PROK2: variants seen among roughly 807,000 people sequenced by gnomAD.
PROK2 encodes the protein prokineticin 2.
In PROK2, 8 loss-of-function variants were observed where a neutral mutation model predicts 14.2. That is an observed-to-expected ratio of 0.56 (90% confidence interval 0.33 to 1.02). The LOEUF is 1.02. Ranked by LOEUF, PROK2 falls within the 50% of genes least tolerant of loss-of-function variation. The pLI is 0.03. For missense variants in PROK2, 154 were observed against 160.4 expected (o/e 0.96, Z 0.22); for synonymous variants, 59 against 60.7 (o/e 0.97, Z 0.13).
At chr3:71,776,146 T>G (rs1316361393) in intron 2 of PROK2, among the ~76,000 whole-genome samples, 1 of 152,160 alleles carries the variant, frequency 6.6e-6, no homozygotes, top group Non-Finnish European at 1.5e-5. Flanking sequence ...TATTATTTCT[T>G]TAAATCAAGG....
intron 1 of PROK2, among the ~76,000 whole-genome samples, chr3:71,783,339 T>C (rs2050183453): frequency 6.6e-6 from 1 of 152,236 alleles, no homozygotes; most frequent in South Asian, 2.1e-4. Context: ...ATTGCCCTGT[T>C]GCTTTAGAGA....
intron 2 of PROK2, among the ~76,000 whole-genome samples, chr3:71,780,016 C>T (rs943857804): frequency 6.6e-6 from 1 of 152,216 alleles, no homozygotes; most frequent in Non-Finnish European, 1.5e-5. Flanking sequence ...TTGAAAATAA[C>T]GAGAGAAATG....
chr3:71,773,562 A>G (rs1282291126), intron 3 of PROK2, among the ~76,000 whole-genome samples: 1 of 152,172 alleles, frequency 6.6e-6, no homozygotes, highest in African/African-American at 2.4e-5. Flanking sequence ...ACCTGGTATC[A>G]TGGGCATGAC....
At chr3:71,778,184 G>A (rs540886649) in intron 2 of PROK2, among the ~76,000 whole-genome samples, 61 of 151,680 alleles carry the variant, frequency 4.0e-4, no homozygotes, top group African/African-American at 1.4e-3. Context: ...GTGACAAAGC[G>A]AGACTCTGTC....
At chr3:71,781,810 C>T (rs538809635) in intron 1 of PROK2, among the ~76,000 whole-genome samples, 1 of 152,172 alleles carries the variant, frequency 6.6e-6, no homozygotes, top group Non-Finnish European at 1.5e-5. Context: ...GGGCTAAATT[C>T]TAGCCCCTGG....
Position 71,785,097 on chromosome 3 carries a change from G to C in PROK2, c.-45C>G. The C allele has an allele frequency of 8.5e-7, 1 of 1,177,120 alleles. No homozygotes were observed. Among genetic ancestry groups the C allele is most frequent in the Admixed American group, 4.3e-5 (1 of 23,104 alleles). The allele number at this position is 1,177,120 out of a possible 1,614,324, so 72.9% of individuals were successfully genotyped here. A position where few individuals can be genotyped will look rare whatever the true frequency, so the allele number is the denominator to read the frequency against. ...GGCCGCCGGAGGCAGTTGGGGGCGC[G>C]GGGCCCGGGTGCGCTGGGTGGAGCG... On this transcript the variant is annotated 5_prime_UTR_variant, in exon 1 of 4. Coordinates refer to ENST00000295619, the MANE Select transcript of PROK2 (RefSeq NM_001126128.2).
chr3:71,781,100 T>C (rs2050156673), intron 2 of PROK2, among the ~76,000 whole-genome samples: 1 of 152,236 alleles, frequency 6.6e-6, no homozygotes, highest in Admixed American at 6.5e-5. Flanking sequence ...AGATCTAATA[T>C]TAAAAGCAGT....
chr3:71,775,877 G>T (rs775892888), intron 2 of PROK2, among the ~76,000 whole-genome samples: 1 of 152,108 alleles, frequency 6.6e-6, no homozygotes, highest in Non-Finnish European at 1.5e-5. Context: ...CAAATGCCCT[G>T]CAATGCCCCA....
intron 3 of PROK2, 43 bp from the exon 4 acceptor site, chr3:71,772,871 AAAAC>A: frequency 6.5e-7 from 1 of 1,531,772 alleles, no homozygotes; most frequent in Non-Finnish European, 9.0e-7. Context: ...AAAGGTTTCA[AAAAC>A]AAACAAACCA....
rs532943031 is a variant in PROK2, at chr3:71,781,353, T to C, written c.222+114A>G. ...AGTTTTACACTGTTATCCTTGCTAA[T>C]GTCCAATATTCATTTTGTTTGTCGA... On this transcript the variant is annotated intron_variant, in intron 2 of 3. Transcript: ENST00000295619. 28 of 1,338,732 alleles carry C rather than the reference T, an allele frequency of 2.1e-5. No individual in the cohort carries two copies. In the African/African-American group the frequency reaches 3.6e-4, roughly 17 times the overall value. The allele number at this position is 1,338,732 out of a possible 1,614,324, so 82.9% of individuals were successfully genotyped here.
Position 71,785,106 on chromosome 3 carries a change from G to A in PROK2, c.-54C>T. The A allele has an allele frequency of 1.8e-6, 2 of 1,134,176 alleles. No homozygotes were observed. The highest frequency in any genetic ancestry group is 2.2e-6 in the Non-Finnish European group (2 of 900,904). The allele number at this position is 1,134,176 out of a possible 1,614,324, so 70.3% of individuals were successfully genotyped here. A position where few individuals can be genotyped will look rare whatever the true frequency, so the allele number is the denominator to read the frequency against. On this transcript the variant is annotated 5_prime_UTR_variant, in exon 1 of 4. Coordinates refer to ENST00000295619, the MANE Select transcript of PROK2 (RefSeq NM_001126128.2). ...AGGCAGTTGGGGGCGCGGGGCCCGG[G>A]TGCGCTGGGTGGAGCGCGGAGCGGC...
intron 1 of PROK2, among the ~76,000 whole-genome samples, chr3:71,782,610 A>G: frequency 6.6e-6 from 1 of 152,234 alleles, no homozygotes; most frequent in East Asian, 1.9e-4. Context: ...TAGTGATAAG[A>G]TAAAAACATC....
At chr3:71,776,612 G>A (rs6807450) in intron 2 of PROK2, among the ~76,000 whole-genome samples, 57,405 of 151,752 alleles carry the variant, frequency 0.38, 11,858 homozygotes, top group East Asian at 0.69. Flanking sequence ...TCCTGGCCTC[G>A]AGTGATCTGC....
At chr3:71,776,716 C>A (rs1193088520) in intron 2 of PROK2, among the ~76,000 whole-genome samples, 1 of 152,144 alleles carries the variant, frequency 6.6e-6, no homozygotes, top group Admixed American at 6.5e-5. Flanking sequence ...TCGGTAGATG[C>A]TTGTCCGTTT....
In PROK2 at chr3:71,776,363, C is replaced by CTTT. The variant is rs2050118816; in HGVS notation, c.223-1857_223-1856insAAA. Among the ~76,000 whole-genome samples the CTTT allele has an allele frequency of 5.8e-4, 53 of 92,044 alleles. 10 individuals carry two copies. The highest frequency in any genetic ancestry group is 6.2e-3 in the Middle Eastern group (1 of 162). 60.4% of individuals were successfully genotyped at this position (92,044 alleles called of 152,430 possible). On this transcript the variant is annotated intron_variant, in intron 2 of 3. Coordinates refer to ENST00000295619, the MANE Select transcript of PROK2 (RefSeq NM_001126128.2). ...CTTTTCTTTTTTTCTTTTCGCTTTTCATTTTTTTTTTTTTTTTTTTTTTTT... is the reference window on the plus strand; with the variant it reads ...CTTTTCTTTTTTTCTTTTCGCTTTTCTTTATTTTTTTTTTTTTTTTTTTTTTTT...
intron 2 of PROK2, among the ~76,000 whole-genome samples, chr3:71,777,231 T>C (rs1039870144): frequency 1.3e-5 from 2 of 152,184 alleles, no homozygotes; most frequent in Non-Finnish European, 2.9e-5. Context: ...ACTGAACCTA[T>C]AAACACTGCT....
At chr3:71,776,358 CTTTTCATTTTTTTTTT>C (rs1398665039) in intron 2 of PROK2, among the ~76,000 whole-genome samples, 2 of 127,106 alleles carry the variant, frequency 1.6e-5, no homozygotes, top group Non-Finnish European at 3.2e-5. Flanking sequence ...TTTCTTTTCG[CTTTTCATTTTTTTTTT>C]TTTTTTTTTT....
rs1481133153 is a variant in PROK2, at chr3:71,774,373, G to A, written c.285+72C>T. 3 of 1,550,480 alleles carry A rather than the reference G, an allele frequency of 1.9e-6. No individual in the cohort carries two copies. The African/African-American group carries it at 4.1e-5, about 21-fold the overall frequency. ...CTGATAGGACAGACCCAACTCTATG[G>A]TAGTCCAACAATGTAAAGGCTAATT... is the stretch of plus-strand genomic sequence containing the variant. On this transcript the variant is annotated intron_variant, in intron 3 of 3. Coordinates refer to ENST00000295619, the MANE Select transcript of PROK2 (RefSeq NM_001126128.2).
At chr3:71,781,368 T>C in intron 2 of PROK2, 99 bp downstream of exon 2, 1 of 1,461,882 alleles carries the variant, frequency 6.8e-7, no homozygotes, top group South Asian at 1.1e-5. Flanking sequence ...AATATTCATT[T>C]TGTTTGTCGA....
Sources: allele counts gnomAD v4.1 joint callset (sites outside exome capture counted in the v4.1 genomes callset), GRCh38; gene constraint gnomAD v4.1.1; transcripts MANE v1.5; gene names NCBI Gene and HGNC (gene_info 2026-07-23, HGNC 2026-07-21).